The following NBPF14 variants were observed in gnomAD, a reference collection of about 807,000 sequenced individuals.
NBPF14 encodes NBPF family member NBPF14.
Under a neutral mutation model 91.2 loss-of-function variants are expected in NBPF14, and 104 were observed. The ratio of observed to expected loss-of-function variants is 1.14; its 90% CI spans 0.97 to 1.34. The LOEUF (loss-of-function observed/expected upper bound fraction) is 1.34. Ranked by LOEUF, NBPF14 falls within the 40% of genes most tolerant of loss-of-function variation. The probability of loss-of-function intolerance (pLI) is 0.00; values close to 1 mark genes in which losing one functional copy is unlikely to be tolerated. For missense variants in NBPF14, 908 were observed against 783.0 expected, an observed-to-expected ratio of 1.16 and a Z score of -1.91; for synonymous variants, 294 against 303.8, an observed-to-expected ratio of 0.97 and a Z score of 0.34.
intron 28 of NBPF14, among the ~76,000 whole-genome samples, chr1:148,566,544 C>CAA (rs1658415710): frequency 1.7e-5 from 2 of 114,436 alleles, no homozygotes; most frequent in South Asian, 2.7e-4. Flanking sequence ...CACACACAAA[C>CAA]ACACACACAC....
chr1:148,557,059 GACACACACAC>G (rs1227105845), intron 40 of NBPF14, among the ~76,000 whole-genome samples, 197 bp from the exon 41 acceptor site: 3 of 118,550 alleles, frequency 2.5e-5, no homozygotes, highest in African/African-American at 8.5e-5. Flanking sequence ...AAGACAGATA[GACACACACAC>G]ACACACACAC....
At chr1:148,595,292 G>C (rs1355115712) in intron 2 of NBPF14, among the ~76,000 whole-genome samples, 4 of 148,022 alleles carry the variant, frequency 2.7e-5, no homozygotes, top group African/African-American at 1.0e-4. Flanking sequence ...GTCATTCTGT[G>C]CCTGCGTTAG....
At chr1:148,566,572 A>C (rs1327320679) in intron 28 of NBPF14, among the ~76,000 whole-genome samples, 7 of 143,586 alleles carry the variant, frequency 4.9e-5, no homozygotes, top group African/African-American at 1.8e-4. Flanking sequence ...GAACGAGCTC[A>C]GTGAATTGTC....
Position 148,533,250 on chromosome 1 carries a change from T to G in NBPF14, c.8724-2A>C, listed in dbSNP as rs781879300. 2.9e-6 allele frequency: 2 copies of G among 686,180 alleles called. No homozygotes were observed. The highest frequency in any genetic ancestry group is 2.9e-5 in the East Asian group (1 of 34,764). The allele number at this position is 686,180 out of a possible 1,614,324, so 42.5% of individuals were successfully genotyped here. A position where few individuals can be genotyped will look rare whatever the true frequency, so the allele number is the denominator to read the frequency against. On this transcript the variant is annotated splice_acceptor_variant, in intron 70 of 70. Transcript: ENST00000619423. LOFTEE classifies it high-confidence loss of function. ...ACTTCCATCAGCACGCCGTTGAGCCTGGAAAAGGAGACAAAACTAAAGAAG... is the reference window on the plus strand; with the variant it reads ...ACTTCCATCAGCACGCCGTTGAGCCGGGAAAAGGAGACAAAACTAAAGAAG...
chr1:148,559,879 A>C lies in NBPF14; in HGVS notation c.4643T>G (p.Leu1548Arg), dbSNP rs1367539304. The stretch of plus-strand genomic sequence containing the variant: ...GGGCTGGCATGAGTCAGTCAGTTCA[A>C]GACAACCTGAAGGAGTTGAATAACA... Residue 1548 changes from leucine to arginine, a missense_variant, in exon 37 of 71, where the codon CTT becomes CGT. Leu to Arg is a moderately radical substitution (Grantham distance 102). Around this residue, in one of 13 missense-constraint regions of NBPF14, gnomAD observed 447 missense variants for 189.1 expected, o/e 2.36. Transcript: ENST00000619423. The C allele has an allele frequency of 3.6e-6, 5 of 1,386,590 alleles. No homozygotes were observed. In the East Asian group the frequency reaches 1.0e-4, roughly 28 times the overall value. 85.9% of individuals were successfully genotyped at this position (1,386,590 alleles called of 1,614,324 possible). A position where few individuals can be genotyped will look rare whatever the true frequency, so the allele number is the denominator to read the frequency against.
rs1358894331 is a variant in NBPF14, at chr1:148,584,987, T to C, written c.1379+154A>G. Among the ~76,000 whole-genome samples the C allele has an allele frequency of 2.8e-3, 412 of 148,402 alleles. 30 individuals are homozygous for C. The highest frequency in any genetic ancestry group is 4.2e-3 in the Non-Finnish European group (277 of 66,158). On this transcript the variant is annotated intron_variant, in intron 10 of 70. Transcript: ENST00000619423. ...AGCACACACAGAGAAACATGACAGCTACCGCACCCTGTGTCTAAGCTGGAT... is the reference window on the plus strand; with the variant it reads ...AGCACACACAGAGAAACATGACAGCCACCGCACCCTGTGTCTAAGCTGGAT...
Position 148,572,596 on chromosome 1 carries a change from C to T in NBPF14, c.2605G>A (p.Asp869Asn), listed in dbSNP as rs1659258250. ...TGCAAGACTTCAGGCTCTTTCTCAT[C>T]CAGCAGCTCCCTGCTGAGCCTGGAA... The change falls in exon 21 of 71, where the codon GAT becomes AAT. Residue 869 changes from aspartate to asparagine, a missense_variant. Transcript: ENST00000619423. The T allele has an allele frequency of 2.2e-5, 13 of 604,160 alleles. 2 individuals are homozygous for T. Among genetic ancestry groups the T allele is most frequent in the South Asian group, 1.6e-4 (9 of 56,724 alleles). 37.4% of individuals were successfully genotyped at this position (604,160 alleles called of 1,614,324 possible).
chr1:148,572,456 A>G, exon 21 of NBPF14: 1 of 523,800 alleles, frequency 1.9e-6, no homozygotes, highest in South Asian at 1.9e-5. Context: ...CCACGTCAAG[A>G]GCCAAGCCAA....
intron 66 of NBPF14, among the ~76,000 whole-genome samples, chr1:148,536,724 GA>G (rs1655274208): frequency 1.0e-5 from 1 of 99,654 alleles, no homozygotes; most frequent in South Asian, 3.9e-4. Flanking sequence ...CTGTGATCAT[GA>G]AAAGAGTGAG....
chr1:148,566,871 A>C, intron 28 of NBPF14, 81 bp downstream of exon 28: 1 of 246,654 alleles, frequency 4.1e-6, no homozygotes, highest in South Asian at 2.5e-5. Context: ...GTAATCGATA[A>C]TGTCAGCCCG....
intron 8 of NBPF14, among the ~76,000 whole-genome samples, chr1:148,586,998 C>A (rs1661651647): frequency 6.8e-6 from 1 of 146,192 alleles, no homozygotes; most frequent in Non-Finnish European, 1.5e-5. Flanking sequence ...TGATGGCACA[C>A]CATTTTGAGT....
intron 70 of NBPF14, among the ~76,000 whole-genome samples, chr1:148,533,594 T>C (rs1230444395): frequency 1.4e-5 from 2 of 145,910 alleles, no homozygotes; most frequent in South Asian, 2.2e-4. Flanking sequence ...AGCTCAATAG[T>C]TTTCCATAAA....
In NBPF14 at chr1:148,532,345, C is replaced by A. The variant is rs1258628525; in HGVS notation, c.*660G>T. 7.6e-5 allele frequency: 12 copies of A among 157,530 alleles called. 1 individual carries two copies. The highest frequency in any genetic ancestry group is 2.7e-4 in the African/African-American group (11 of 41,440). The allele number at this position is 157,530 out of a possible 1,614,324, so 9.8% of individuals were successfully genotyped here. A position where few individuals can be genotyped will look rare whatever the true frequency, so the allele number is the denominator to read the frequency against. On this transcript the variant is annotated 3_prime_UTR_variant, in exon 71 of 71. Coordinates refer to ENST00000619423, the Ensembl canonical transcript of NBPF14. ...TGTCTCCTGCCAGCGACTCCTGACT[C>A]CTGACCTCTACAGGATGGAATAGAG... is the stretch of plus-strand genomic sequence containing the variant.
Position 148,559,851 on chromosome 1 carries a change from A to T in NBPF14, c.4671T>A (p.Tyr1557Ter). The change falls in exon 37 of 71, where the codon TAT (tyrosine) becomes TAA (stop). Residue 1557 changes from tyrosine to a stop codon, truncating the protein, a stop_gained. Coordinates refer to ENST00000619423, the Ensembl canonical transcript of NBPF14. LOFTEE classifies it high-confidence loss of function. ...GCTCCAATATGTAAAAGGCACTTCT[A>T]TAGGGCTGGCATGAGTCAGTCAGTT... The T allele has an allele frequency of 6.6e-7, 1 of 1,513,494 alleles. No individual in the cohort carries two copies. Among genetic ancestry groups the T allele is most frequent in the Non-Finnish European group, 8.9e-7 (1 of 1,129,362 alleles). The allele number at this position is 1,513,494 out of a possible 1,614,324, so 93.8% of individuals were successfully genotyped here. A position where few individuals can be genotyped will look rare whatever the true frequency, so the allele number is the denominator to read the frequency against.
intron 2 of NBPF14, 83 bp downstream of exon 2, chr1:148,595,460 T>G (rs1411787689): frequency 1.6e-6 from 2 of 1,263,912 alleles, no homozygotes; most frequent in Non-Finnish European, 2.3e-6. Context: ...GAAATTATTT[T>G]TGATGGAGAG....
chr1:148,558,051 G>C (rs1388588940), intron 39 of NBPF14, among the ~76,000 whole-genome samples: 7 of 21,414 alleles, frequency 3.3e-4, no homozygotes, highest in Admixed American at 7.0e-4. Flanking sequence ...CTGGAGACTA[G>C]GAATAGAGCC....
chr1:148,566,086 T>C, intron 29 of NBPF14, 57 bp downstream of exon 29: 1 of 397,474 alleles, frequency 2.5e-6, no homozygotes, highest in Non-Finnish European at 4.3e-6. Context: ...AGCAGGAATA[T>C]GATCTTTATA....
chr1:148,586,490 A>T, intron 8 of NBPF14, 21 bp from the exon 9 acceptor site: 1 of 1,034,148 alleles, frequency 9.7e-7, no homozygotes, highest in East Asian at 2.4e-5. Context: ...ACGGTAGAGA[A>T]AATTTAAGAG....
chr1:148,576,055 G>T (rs1307923680), intron 16 of NBPF14, among the ~76,000 whole-genome samples: 1 of 146,530 alleles, frequency 6.8e-6, no homozygotes, highest in East Asian at 2.0e-4. Context: ...GAATTGGCCG[G>T]GTGACACACT....
Sources: allele counts gnomAD v4.1 joint callset (sites outside exome capture counted in the v4.1 genomes callset), GRCh38; gene constraint gnomAD v4.1.1; regional missense constraint gnomAD v4.1.1; transcripts MANE v1.5; gene names NCBI Gene and HGNC (gene_info 2026-07-23, HGNC 2026-07-21).